Variants in DLG2 observed in about 807,000 individuals in gnomAD.
DLG2 encodes discs large MAGUK scaffold protein 2, also known as disks large homolog 2.
DLG2 carries 45 observed loss-of-function variants against 132.5 expected under a neutral mutation model. The observed-to-expected ratio is 0.34, with a 90% CI of 0.27 to 0.44. The LOEUF is 0.44. DLG2 is among the 20% of genes least tolerant of loss of function. The pLI is 1.00. For synonymous variants in DLG2, 424 were observed against 419.6 expected, an observed-to-expected ratio of 1.01 and a Z score of -0.13; for missense variants, 1,045 against 1,196.9, an observed-to-expected ratio of 0.87 and a Z score of 1.87.
intron 4 of DLG2, among the ~76,000 whole-genome samples, chr11:85,259,454 AAACT>A (rs1484001087): frequency 2.0e-5 from 3 of 152,060 alleles, no homozygotes; most frequent in Admixed American, 6.6e-5. Flanking sequence ...ATGCAATAAC[AAACT>A]AATATACTGT....
chr11:84,933,167 G>T (rs2048301928), intron 6 of DLG2, among the ~76,000 whole-genome samples: 2 of 152,034 alleles, frequency 1.3e-5, no homozygotes, highest in Admixed American at 6.6e-5. Flanking sequence ...TGTCAGCTTT[G>T]TTGAAGATCA....
intron 3 of DLG2, among the ~76,000 whole-genome samples, chr11:85,435,909 C>G (rs894621266): frequency 1.3e-5 from 2 of 152,126 alleles, no homozygotes; most frequent in African/African-American, 4.8e-5. Flanking sequence ...TGACTTCAAA[C>G]TATACTACAA....
intron 6 of DLG2, among the ~76,000 whole-genome samples, chr11:84,719,937 T>C (rs369546682): frequency 6.6e-6 from 1 of 152,222 alleles, no homozygotes; most frequent in Non-Finnish European, 1.5e-5. Context: ...GGTAGTAACC[T>C]GAGATGAGTT....
rs1050916408 is a variant in DLG2, at chr11:85,618,531, C to T, written c.-93+8056G>A. 7.9e-5 allele frequency among the ~76,000 whole-genome samples: 12 copies of T among 152,040 alleles called. No individual in the cohort carries two copies. The East Asian group carries it at 9.6e-4, about 12-fold the overall frequency. On this transcript the variant is annotated intron_variant, in intron 2 of 27. Coordinates refer to ENST00000376104, the MANE Select transcript of DLG2 (RefSeq NM_001142699.3). The stretch of plus-strand genomic sequence containing the variant: ...AACACAGAAACAGAAAACAAAATAC[C>T]GCATGTTCTTACAAGTGGGAACTAA...
intron 6 of DLG2, among the ~76,000 whole-genome samples, chr11:85,095,864 T>C (rs1484508704): frequency 6.6e-6 from 1 of 152,146 alleles, no homozygotes; most frequent in Admixed American, 6.5e-5. Flanking sequence ...CTCCCAAATA[T>C]ATCAAATTAA....
Position 85,342,330 on chromosome 11 carries a change from T to A in DLG2, c.41-56965A>T, listed in dbSNP as rs775866650. Among the ~76,000 whole-genome samples the A allele has an allele frequency of 4.5e-3, 686 of 152,248 alleles. 25 individuals are homozygous for A. The highest frequency in any genetic ancestry group is 0.036 in the Admixed American group (548 of 15,278). On this transcript the variant is annotated intron_variant, in intron 3 of 27. Transcript: ENST00000376104. ...CAATTTTTTTTTTACTTTTTAAACT[T>A]TTTTTGTTAAAAACTAAGACACAAA...
chr11:84,208,842 T>C (rs950050574), intron 8 of DLG2, among the ~76,000 whole-genome samples: 1 of 151,990 alleles, frequency 6.6e-6, no homozygotes, highest in Non-Finnish European at 1.5e-5. Flanking sequence ...ATTAAGTAAA[T>C]AGTGGATGGT....
At chr11:85,397,547 A>T (rs2087531852) in intron 3 of DLG2, among the ~76,000 whole-genome samples, 1 of 152,210 alleles carries the variant, frequency 6.6e-6, no homozygotes, top group Non-Finnish European at 1.5e-5. Flanking sequence ...TCATGTGCAA[A>T]GACAAAAATA....
In DLG2 at chr11:84,402,881, C is replaced by CAAAAAAAAAAAAAAAAAAAAAAAAAAAA. The variant is rs34476380; in HGVS notation, c.519+131688_519+131689insTTTTTTTTTTTTTTTTTTTTTTTTTTTT. ...TGGGCGACAGAGCGAAACTCCGTCTCAAAAAAAAAAAAAAAAAAAATTAAC... is the reference window on the plus strand; with the variant it reads ...TGGGCGACAGAGCGAAACTCCGTCTCAAAAAAAAAAAAAAAAAAAAAAAAAAAAAAAAAAAAAAAAAAAAAAAATTAAC... On this transcript the variant is annotated intron_variant, in intron 7 of 27. Transcript: ENST00000376104. Among the ~76,000 whole-genome samples, 38 of 73,868 alleles carry CAAAAAAAAAAAAAAAAAAAAAAAAAAAA rather than the reference C, an allele frequency of 5.1e-4. 2 individuals carry two copies. Among genetic ancestry groups the CAAAAAAAAAAAAAAAAAAAAAAAAAAAA allele is most frequent in the African/African-American group, 1.9e-3 (18 of 9,546 alleles). 48.5% of individuals were successfully genotyped at this position (73,868 alleles called of 152,430 possible).
At chr11:85,290,927 T>C (rs769423460) in intron 3 of DLG2, among the ~76,000 whole-genome samples, 3 of 152,068 alleles carry the variant, frequency 2.0e-5, no homozygotes, top group Admixed American at 6.6e-5. Context: ...AGCACATCCT[T>C]AAAAACTCAA....
chr11:84,733,386 G>A (rs1329778765), intron 6 of DLG2, among the ~76,000 whole-genome samples: 1 of 152,146 alleles, frequency 6.6e-6, no homozygotes, highest in Non-Finnish European at 1.5e-5. Context: ...TTTCTCTGAT[G>A]GCCAGTGATG....
intron 10 of DLG2, among the ~76,000 whole-genome samples, chr11:84,079,287 T>TTTG (rs749770182): frequency 6.6e-6 from 1 of 151,362 alleles, no homozygotes; most frequent in Non-Finnish European, 1.5e-5. Flanking sequence ...TGTTTTTTTT[T>TTTG]TTGTTTTTCT....
intron 6 of DLG2, among the ~76,000 whole-genome samples, chr11:84,714,455 T>C (rs1239959909): frequency 6.6e-6 from 1 of 151,904 alleles, no homozygotes; most frequent in Non-Finnish European, 1.5e-5. Context: ...ACCAAGGAGG[T>C]GCTGACAGGC....
intron 8 of DLG2, among the ~76,000 whole-genome samples, chr11:84,227,117 T>G (rs956338532): frequency 9.9e-5 from 15 of 151,550 alleles, no homozygotes; most frequent in African/African-American, 3.4e-4. Flanking sequence ...TAATTAAAAT[T>G]TTAAAAAAGT....
At chr11:84,106,870 A>T (rs201935735) in intron 9 of DLG2, among the ~76,000 whole-genome samples, 2,530 of 140,636 alleles carry the variant, frequency 0.018, 81 homozygotes, top group African/African-American at 0.064. Flanking sequence ...TGTATGTGTG[A>T]GAGAGAGAGA....
intron 3 of DLG2, among the ~76,000 whole-genome samples, chr11:85,510,282 A>C (rs2094030349): frequency 6.6e-6 from 1 of 152,054 alleles, no homozygotes; most frequent in Non-Finnish European, 1.5e-5. Flanking sequence ...GGCCAGGATA[A>C]GAAATATGTC....
chr11:84,039,657 G>C (rs1458524899), intron 11 of DLG2, among the ~76,000 whole-genome samples: 1 of 74,662 alleles, frequency 1.3e-5, no homozygotes, highest in African/African-American at 4.0e-5. Flanking sequence ...CTTTGCTATT[G>C]TGAATAATGC....
intron 9 of DLG2, among the ~76,000 whole-genome samples, chr11:84,110,917 G>A (rs1035073879): frequency 2.6e-5 from 4 of 152,184 alleles, no homozygotes; most frequent in Admixed American, 2.6e-4. Flanking sequence ...TCACCATTCA[G>A]TGAACTAGCT....
At chr11:84,719,382 A>G (rs529766210) in intron 6 of DLG2, among the ~76,000 whole-genome samples, 2 of 152,218 alleles carry the variant, frequency 1.3e-5, no homozygotes, top group Non-Finnish European at 2.9e-5. Flanking sequence ...GACAGTCACC[A>G]TAGTAGCCAC....
Sources: allele counts gnomAD v4.1 joint callset (sites outside exome capture counted in the v4.1 genomes callset), GRCh38; gene constraint gnomAD v4.1.1; transcripts MANE v1.5; gene names NCBI Gene and HGNC (gene_info 2026-07-23, HGNC 2026-07-21).